The following UBR3 variants were observed in gnomAD, a reference collection of about 807,000 sequenced individuals.
UBR3 encodes E3 ubiquitin-protein ligase UBR3.
Under a neutral mutation model 243.2 loss-of-function variants are expected in UBR3, and 85 were observed. That is an observed-to-expected ratio of 0.35 (90% CI 0.29 to 0.42). The LOEUF is 0.42. Ranked by LOEUF, UBR3 falls within the 10% of genes least tolerant of loss-of-function variation. UBR3 has a pLI of 1.00. For synonymous variants in UBR3, 748 were observed against 799.8 expected, an observed-to-expected ratio of 0.94 and a Z score of 1.09; for missense variants, 1,686 against 2,300.8, an observed-to-expected ratio of 0.73 and a Z score of 5.47.
intron 7 of UBR3, among the ~76,000 whole-genome samples, chr2:169,896,098 A>G (rs2084577275): frequency 6.6e-6 from 1 of 152,120 alleles, no homozygotes; most frequent in South Asian, 2.1e-4. Flanking sequence ...GGAGTTTGAG[A>G]TCAGTCTGGC....
chr2:169,952,854 A>G (rs1018472965), intron 23 of UBR3, among the ~76,000 whole-genome samples: 1 of 152,172 alleles, frequency 6.6e-6, no homozygotes, highest in Admixed American at 6.5e-5. Flanking sequence ...TCAGATGACC[A>G]TTCATTAAGT....
rs998367240 is a variant in UBR3 at position 169,939,290 on chromosome 2, G to A, written c.2664-3203G>A. ...TTTTTTTTTTTTGAGATGGAGTCTCGCCCTGTTGCCCAGGCTGGAGTGCAG... is the reference window on the plus strand; with the variant it reads ...TTTTTTTTTTTTGAGATGGAGTCTCACCCTGTTGCCCAGGCTGGAGTGCAG... On this transcript the variant is annotated intron_variant, in intron 19 of 38. Transcript: ENST00000272793. Among the ~76,000 whole-genome samples, 5 of 140,650 alleles carry A rather than the reference G, an allele frequency of 3.6e-5. No homozygotes were observed. In the East Asian group the frequency reaches 6.1e-4, roughly 17 times the overall value. 92.3% of individuals were successfully genotyped at this position (140,650 alleles called of 152,430 possible).
Position 169,959,528 on chromosome 2 carries a change from C to A in UBR3, c.3634+1002C>A, listed in dbSNP as rs142642178. Among the ~76,000 whole-genome samples the A allele has an allele frequency of 9.7e-3, 1,476 of 151,882 alleles. 8 individuals carry two copies. The highest frequency in any genetic ancestry group is 0.015 in the Non-Finnish European group (1,041 of 67,954). ...ATTTCCTTTTCATTTGGGTCTGTTACTGGAGAGCTATGAAGTTCAAAATCT... is the reference window on the plus strand; with the variant it reads ...ATTTCCTTTTCATTTGGGTCTGTTAATGGAGAGCTATGAAGTTCAAAATCT... On this transcript the variant is annotated intron_variant, in intron 24 of 38. Coordinates refer to ENST00000272793, the MANE Select transcript of UBR3 (RefSeq NM_172070.4).
At chr2:170,017,048 C>T (rs1347204051) in intron 30 of UBR3, 4 of 171,274 alleles carry the variant, frequency 2.3e-5, no homozygotes, top group African/African-American at 9.6e-5. Context: ...CAAAATCCCA[C>T]TATCTTACAA....
In UBR3 at chr2:169,949,696, AGGT is replaced by A; in HGVS notation, c.3180_3182del (p.Val1061del). ...AATCGCAGTAGCAGTGAAGCAAATC[AGGT>A]GGTTCGTCCCAAAACTTCAAGTAAA... On this transcript the variant is annotated inframe_deletion, in exon 23 of 39. Coordinates refer to ENST00000272793, the MANE Select transcript of UBR3 (RefSeq NM_172070.4). 1 of 1,551,628 alleles carries A rather than the reference AGGT, an allele frequency of 6.4e-7. No homozygotes were observed. Among genetic ancestry groups the A allele is most frequent in the Non-Finnish European group, 8.7e-7 (1 of 1,146,738 alleles).
At chr2:169,946,088 TATTAA>T (rs1022896172) in intron 20 of UBR3, among the ~76,000 whole-genome samples, 195 bp from the exon 21 acceptor site, 10 of 152,110 alleles carry the variant, frequency 6.6e-5, no homozygotes, top group African/African-American at 2.4e-4. Flanking sequence ...AAAATATTCT[TATTAA>T]ATTATTTTAT....
At chr2:170,073,039 T>A (rs1263451040) in intron 35 of UBR3, among the ~76,000 whole-genome samples, 2 of 152,142 alleles carry the variant, frequency 1.3e-5, no homozygotes, top group Middle Eastern at 3.2e-3. Context: ...CATGTTTTTA[T>A]TATTGTTCCT....
At chr2:169,882,997 T>G (rs1217152830) in intron 5 of UBR3, among the ~76,000 whole-genome samples, 1 of 152,204 alleles carries the variant, frequency 6.6e-6, no homozygotes, top group Non-Finnish European at 1.5e-5. Context: ...GTCTAAGTGT[T>G]CTTTCTATAA....
At chr2:169,901,264 T>C (rs1340676687) in intron 8 of UBR3, among the ~76,000 whole-genome samples, 2 of 152,166 alleles carry the variant, frequency 1.3e-5, no homozygotes, top group Non-Finnish European at 2.9e-5. Context: ...CTTATACAAA[T>C]TGAATTTTCA....
chr2:169,979,226 C>T (rs760595623), intron 24 of UBR3, among the ~76,000 whole-genome samples: 9 of 152,180 alleles, frequency 5.9e-5, no homozygotes, highest in African/African-American at 1.7e-4. Flanking sequence ...ATGGCTATGG[C>T]GAAATCCTGA....
At chr2:169,968,393 C>G (rs1021502870) in intron 24 of UBR3, among the ~76,000 whole-genome samples, 1 of 152,164 alleles carries the variant, frequency 6.6e-6, no homozygotes, top group Non-Finnish European at 1.5e-5. Flanking sequence ...ATTTTGCTGT[C>G]TACTTTCACA....
chr2:169,831,516 C>G (rs2081942640), intron 1 of UBR3, among the ~76,000 whole-genome samples: 1 of 152,044 alleles, frequency 6.6e-6, no homozygotes, highest in Non-Finnish European at 1.5e-5. Flanking sequence ...CTGTATGTGT[C>G]AGCAGTTGCC....
chr2:169,931,901 A>G lies in UBR3; in HGVS notation c.2567-1011A>G, dbSNP rs564478423. 2.8e-3 allele frequency among the ~76,000 whole-genome samples: 423 copies of G among 152,266 alleles called. 1 individual carries two copies. Among genetic ancestry groups the G allele is most frequent in the African/African-American group, 9.8e-3 (407 of 41,576 alleles). ...TAAAATGAAAAGCTTTATATACTTA[A>G]TACTTAAAATCATCTTGTGAACCAT... On this transcript the variant is annotated intron_variant, in intron 18 of 38. Transcript: ENST00000272793.
At chr2:170,046,711 A>C (rs2091097307) in intron 32 of UBR3, among the ~76,000 whole-genome samples, 1 of 152,170 alleles carries the variant, frequency 6.6e-6, no homozygotes, top group African/African-American at 2.4e-5. Flanking sequence ...ATAAAACTAA[A>C]ATTTTTTCCT....
chr2:169,931,209 G>A (rs918449499), intron 18 of UBR3, among the ~76,000 whole-genome samples: 3 of 151,800 alleles, frequency 2.0e-5, no homozygotes, highest in Non-Finnish European at 4.4e-5. Context: ...AAATTAGCCG[G>A]GCTTGGTGGC....
intron 32 of UBR3, among the ~76,000 whole-genome samples, chr2:170,047,196 G>T (rs923531613): frequency 2.0e-5 from 3 of 150,774 alleles, no homozygotes; most frequent in South Asian, 2.1e-4. Context: ...GCGGTGTCGG[G>T]GGGGGGGTCT....
At chr2:169,965,489 T>C (rs2087763937) in intron 24 of UBR3, among the ~76,000 whole-genome samples, 1 of 152,138 alleles carries the variant, frequency 6.6e-6, no homozygotes, top group African/African-American at 2.4e-5. Context: ...ATGATAAAGT[T>C]TATAAATTAA....
chr2:169,975,128 C>T (rs541436630), intron 24 of UBR3, among the ~76,000 whole-genome samples: 1 of 152,232 alleles, frequency 6.6e-6, no homozygotes, highest in African/African-American at 2.4e-5. Flanking sequence ...AGAGATCATG[C>T]CACTGTACTC....
At chr2:169,911,482 T>C (rs903053154) in intron 10 of UBR3, among the ~76,000 whole-genome samples, 11 of 152,124 alleles carry the variant, frequency 7.2e-5, no homozygotes, top group African/African-American at 2.7e-4. Context: ...CTCATAAAAT[T>C]TAAGTAATTT....
Sources: gnomAD v4.1 joint callset for allele counts (sites outside exome capture counted in the v4.1 genomes callset) on GRCh38, gnomAD v4.1.1 for gene constraint, MANE v1.5 for transcripts, NCBI Gene and HGNC (gene_info 2026-07-23, HGNC 2026-07-21) for gene names.